The following GALNT13 variants were observed in gnomAD, a reference collection of about 807,000 sequenced individuals.
GALNT13 encodes the protein UDP-GalNAc:polypeptide N-acetylgalactosaminyltransferase 13.
Under a neutral mutation model 64.2 loss-of-function variants are expected in GALNT13, and 28 were observed. The observed-to-expected ratio is 0.44, with a 90% CI of 0.32 to 0.60. GALNT13 has a LOEUF of 0.60. Among genes scored for constraint, GALNT13 ranks in the 20% least tolerant of loss-of-function variants. The pLI, the probability that GALNT13 is intolerant of heterozygous loss-of-function variation, is 0.05. For missense variants in GALNT13, 577 were observed against 669.8 expected, an observed-to-expected ratio of 0.86 and a Z score of 1.53; for synonymous variants, 214 against 224.6, an observed-to-expected ratio of 0.95 and a Z score of 0.42.
At chr2:153,515,291 G>GC in the GALNT13 span, among the ~76,000 whole-genome samples, 1 of 152,078 alleles carries the variant, frequency 6.6e-6, no homozygotes. Context: ...CCACCTCTCT[G>GC]CCGTAGCTCC....
chr2:154,353,241 C>T (rs571642144), intron 9 of GALNT13, among the ~76,000 whole-genome samples: 4 of 152,236 alleles, frequency 2.6e-5, no homozygotes, highest in Admixed American at 1.3e-4. Flanking sequence ...CATGGAACCC[C>T]TGTATAGTTA....
intron 4 of GALNT13, among the ~76,000 whole-genome samples, chr2:154,168,740 G>A (rs1343404764): frequency 6.6e-6 from 1 of 151,804 alleles, no homozygotes; most frequent in African/African-American, 2.4e-5. Flanking sequence ...ATACTCAGGA[G>A]GCTGAGGCAG....
At chr2:153,252,725 G>A in the GALNT13 span, among the ~76,000 whole-genome samples, 2 of 152,202 alleles carry the variant, frequency 1.3e-5, no homozygotes, top group Admixed American at 6.6e-5. Flanking sequence ...TTACTAAATA[G>A]GGAATCCTTT....
the GALNT13 span, among the ~76,000 whole-genome samples, chr2:153,119,544 A>G: frequency 3.3e-5 from 5 of 152,222 alleles, no homozygotes; most frequent in Admixed American, 3.3e-4. Flanking sequence ...TAAGATAAAA[A>G]TGGCACTGTT....
In GALNT13 at chr2:154,031,972, T is replaced by C. The variant is rs1698367882; in HGVS notation, c.142+87333T>C. Among the ~76,000 whole-genome samples the C allele has an allele frequency of 2.6e-5, 4 of 152,006 alleles. No homozygotes were observed. In the South Asian group the frequency reaches 8.3e-4, roughly 32 times the overall value. On this transcript the variant is annotated intron_variant, in intron 3 of 12. Coordinates refer to ENST00000392825, the MANE Select transcript of GALNT13 (RefSeq NM_052917.4). ...TAAGCAACAATGCAGCTAAAGCAAC[T>C]CTTCAAGGAAAACTTTATAGATTTG...
chr2:153,699,160 G>A, the GALNT13 span, among the ~76,000 whole-genome samples: 1 of 151,988 alleles, frequency 6.6e-6, no homozygotes, highest in African/African-American at 2.4e-5. Context: ...GGTAGAGGTT[G>A]CAAAAAAGAA....
chr2:153,169,456 C>T, the GALNT13 span, among the ~76,000 whole-genome samples: 2 of 152,282 alleles, frequency 1.3e-5, no homozygotes, highest in East Asian at 3.9e-4. Context: ...AAGCATGACT[C>T]ATTCCTGAAG....
At chr2:153,759,637 T>G in the GALNT13 span, among the ~76,000 whole-genome samples, 1 of 152,172 alleles carries the variant, frequency 6.6e-6, no homozygotes, top group African/African-American at 2.4e-5. Flanking sequence ...GAATCATCCT[T>G]GCATCCCTGT....
chr2:153,597,598 A>G, the GALNT13 span, among the ~76,000 whole-genome samples: 1 of 152,130 alleles, frequency 6.6e-6, no homozygotes, highest in East Asian at 1.9e-4. Context: ...ATATGATACC[A>G]AAAGCACAAA....
chr2:153,652,530 G>C, the GALNT13 span, among the ~76,000 whole-genome samples: 1 of 152,058 alleles, frequency 6.6e-6, no homozygotes, highest in African/African-American at 2.4e-5. Context: ...CAGGAGAATT[G>C]ATTGAACCCA....
At chr2:153,397,899 A>G in the GALNT13 span, among the ~76,000 whole-genome samples, 1,024 of 152,168 alleles carry the variant, frequency 6.7e-3, 17 homozygotes, top group African/African-American at 0.023. Flanking sequence ...TGCTGAATAC[A>G]TAGGTGAACA....
chr2:153,884,797 A>G (rs1292797134), intron 1 of GALNT13, among the ~76,000 whole-genome samples: 3 of 71,992 alleles, frequency 4.2e-5, no homozygotes, highest in African/African-American at 5.8e-5. Flanking sequence ...GTGTGTGTAT[A>G]TATATATATG....
At chr2:153,632,628 G>T in the GALNT13 span, among the ~76,000 whole-genome samples, 5 of 151,990 alleles carry the variant, frequency 3.3e-5, no homozygotes, top group Admixed American at 2.6e-4. Context: ...AAACATATAG[G>T]ATACAATTTG....
At chr2:154,008,346 A>G (rs191452135) in intron 3 of GALNT13, among the ~76,000 whole-genome samples, 2 of 152,290 alleles carry the variant, frequency 1.3e-5, no homozygotes, top group East Asian at 1.9e-4. Flanking sequence ...ATATAATTCT[A>G]TATCATTTTC....
At chr2:153,289,415 G>T in the GALNT13 span, among the ~76,000 whole-genome samples, 239 of 152,266 alleles carry the variant, frequency 1.6e-3, 6 homozygotes, top group East Asian at 0.041. Context: ...CACCTATTTG[G>T]AATGGTAATA....
chr2:153,709,079 T>C, the GALNT13 span, among the ~76,000 whole-genome samples: 1 of 152,148 alleles, frequency 6.6e-6, no homozygotes, highest in Admixed American at 6.5e-5. Context: ...TGCGCAATAA[T>C]TTTTTAAATT....
the GALNT13 span, among the ~76,000 whole-genome samples, chr2:153,217,543 A>G: frequency 6.6e-6 from 1 of 152,044 alleles, no homozygotes; most frequent in Non-Finnish European, 1.5e-5. Flanking sequence ...GGTTTATTCC[A>G]TGTCATTTCT....
At chr2:154,163,364 G>T (rs199598394) in intron 4 of GALNT13, among the ~76,000 whole-genome samples, 6 of 151,330 alleles carry the variant, frequency 4.0e-5, no homozygotes, top group South Asian at 2.1e-4. Flanking sequence ...TAATAAAGAA[G>T]AAAAGAGAGA....
At chr2:153,600,584 G>A in the GALNT13 span, among the ~76,000 whole-genome samples, 6 of 151,848 alleles carry the variant, frequency 4.0e-5, no homozygotes, top group East Asian at 1.9e-4. Flanking sequence ...TTTGTGCTTC[G>A]TTTCTATGAG....
Sources: gnomAD v4.1 joint callset for allele counts (sites outside exome capture counted in the v4.1 genomes callset) on GRCh38, gnomAD v4.1.1 for gene constraint, MANE v1.5 for transcripts, NCBI Gene and HGNC (gene_info 2026-07-23, HGNC 2026-07-21) for gene names.